The following ZNF407 variants were observed in gnomAD, a reference collection of about 807,000 sequenced individuals.
ZNF407 encodes zinc finger protein 407.
A neutral mutation model predicts 131.2 loss-of-function variants in ZNF407; 17 were observed. That is an observed-to-expected ratio of 0.13 (90% CI 0.09 to 0.19). ZNF407 has a LOEUF of 0.19. Among genes scored for constraint, ZNF407 ranks in the 10% least tolerant of loss-of-function variants. ZNF407 has a pLI of 1.00. For synonymous variants in ZNF407, 1,156 were observed against 1,062.0 expected (o/e 1.09, Z -1.72); for missense variants, 2,681 against 2,830.6 (o/e 0.95, Z 1.20).
At chr18:74,915,600 G>A (rs1248640116) in intron 7 of ZNF407, among the ~76,000 whole-genome samples, 3 of 121,908 alleles carry the variant, frequency 2.5e-5, no homozygotes, top group Admixed American at 8.3e-5. Context: ...GTGAGGTTGT[G>A]TGCAGCATTG....
At chr18:74,755,885 C>CTTCCTCTTTTCCTTCCTTT (rs1968946067) in intron 3 of ZNF407, among the ~76,000 whole-genome samples, 1 of 25,834 alleles carries the variant, frequency 3.9e-5, no homozygotes, top group African/African-American at 2.0e-4. Flanking sequence ...CTTTTCCTTC[C>CTTCCTCTTTTCCTTCCTTT]TTTTTTTTTT....
Position 74,920,703 on chromosome 18 carries a change from G to A in ZNF407, c.5428+11G>A, listed in dbSNP as rs760755296. The A allele has an allele frequency of 6.3e-7, 1 of 1,585,768 alleles. No homozygotes were observed. The highest frequency in any genetic ancestry group is 2.3e-5 in the East Asian group (1 of 44,108). ...CTTACCTGCATGCTGGTAAGGGACA[G>A]AAACTGTGAAAACTTGTTTCTAACA... On this transcript the variant is annotated intron_variant, in intron 8 of 8. Coordinates refer to ENST00000299687, the MANE Select transcript of ZNF407 (RefSeq NM_017757.3).
intron 3 of ZNF407, among the ~76,000 whole-genome samples, chr18:74,736,635 T>G (rs529485916): frequency 1.2e-4 from 19 of 152,322 alleles, no homozygotes; most frequent in African/African-American, 4.3e-4. Flanking sequence ...TGTTCTATGA[T>G]GGCTGTTTTT....
rs533820949 is a variant in ZNF407, at chr18:74,760,518, A to G, written c.4803-20910A>G. On this transcript the variant is annotated intron_variant, in intron 3 of 8. Transcript: ENST00000299687. ...CCTCTTATTCTCCCTAACTGGTTTT[A>G]TGCTCAGACAGCTATGGTGGTAAAC... 2.0e-5 allele frequency among the ~76,000 whole-genome samples: 3 copies of G among 152,174 alleles called. No individual in the cohort carries two copies. In the East Asian group the frequency reaches 5.8e-4, roughly 29 times the overall value.
intron 4 of ZNF407, among the ~76,000 whole-genome samples, chr18:74,815,337 T>C (rs186267530): frequency 3.3e-5 from 5 of 152,278 alleles, no homozygotes; most frequent in East Asian, 3.9e-4. Context: ...TTCCCAACAG[T>C]GTCTTATGAA....
At chr18:74,851,966 A>G (rs1445194820) in intron 4 of ZNF407, among the ~76,000 whole-genome samples, 1 of 152,188 alleles carries the variant, frequency 6.6e-6, no homozygotes, top group Non-Finnish European at 1.5e-5. Flanking sequence ...TCCTTAAGAG[A>G]CATCAGAGCG....
intron 3 of ZNF407, among the ~76,000 whole-genome samples, chr18:74,714,827 G>A (rs1266275579): frequency 6.6e-6 from 1 of 152,048 alleles, no homozygotes; most frequent in Non-Finnish European, 1.5e-5. Context: ...TTTCTTGGGG[G>A]GTAGAACAGT....
chr18:74,831,725 C>T (rs1468000278), intron 4 of ZNF407, among the ~76,000 whole-genome samples: 4 of 152,192 alleles, frequency 2.6e-5, no homozygotes, highest in East Asian at 1.9e-4. Context: ...CCCCATCCGT[C>T]GATGCCACGT....
intron 4 of ZNF407, among the ~76,000 whole-genome samples, chr18:74,807,866 A>G (rs1168003664): frequency 1.3e-5 from 2 of 152,166 alleles, no homozygotes; most frequent in East Asian, 3.9e-4. Flanking sequence ...ACATTGATGT[A>G]AGGTTTTTTT....
chr18:74,703,431 A>T lies in ZNF407; in HGVS notation c.4802+62309A>T, dbSNP rs1387317684. ...GCCCAGGCTGGAGTGCAATGGTGCA[A>T]TCTCGGCTCACCGCAACCTCCACCT... On this transcript the variant is annotated intron_variant, in intron 3 of 8. Coordinates refer to ENST00000299687, the MANE Select transcript of ZNF407 (RefSeq NM_017757.3). This position sits in a 1 kb window ranked among gnomAD's most constrained non-coding sequence, Gnocchi z 4.1. 6.6e-6 allele frequency among the ~76,000 whole-genome samples: 1 copy of T among 151,894 alleles called. No homozygotes were observed. The highest frequency in any genetic ancestry group is 1.5e-5 in the Non-Finnish European group (1 of 67,982).
chr18:74,930,737 C>G (rs981056829), intron 8 of ZNF407, among the ~76,000 whole-genome samples: 1 of 152,168 alleles, frequency 6.6e-6, no homozygotes, highest in Non-Finnish European at 1.5e-5. Flanking sequence ...CCCCCTCTTT[C>G]CAGTCAGCTC....
At chr18:74,670,524 A>G (rs1986100993) in intron 3 of ZNF407, among the ~76,000 whole-genome samples, 1 of 152,232 alleles carries the variant, frequency 6.6e-6, no homozygotes, top group African/African-American at 2.4e-5. Context: ...GGTTCTTCTA[A>G]GTAGATGTTT....
chr18:74,840,887 C>T (rs768629572), intron 4 of ZNF407, among the ~76,000 whole-genome samples: 12 of 152,224 alleles, frequency 7.9e-5, no homozygotes, highest in Non-Finnish European at 1.6e-4. Flanking sequence ...CAACTAACTC[C>T]GTCTTCCCTC....
At chr18:74,861,085 G>A (rs1970931442) in intron 4 of ZNF407, among the ~76,000 whole-genome samples, 1 of 152,122 alleles carries the variant, frequency 6.6e-6, no homozygotes, top group Non-Finnish European at 1.5e-5. Context: ...TAATCCTAGG[G>A]TTGGAAAACC....
At chr18:74,755,378 C>G (rs1968906281) in intron 3 of ZNF407, among the ~76,000 whole-genome samples, 1 of 151,984 alleles carries the variant, frequency 6.6e-6, no homozygotes, top group African/African-American at 2.4e-5. Flanking sequence ...TGAATTTGAT[C>G]CTGTCATTAT....
rs1266137708 is a variant in ZNF407, at chr18:74,617,248, T to C, written c.-53-13719T>C. On this transcript the variant is annotated intron_variant, in intron 1 of 8. Coordinates refer to ENST00000299687, the MANE Select transcript of ZNF407 (RefSeq NM_017757.3). ...GTCATTTAAATGCATTGTGACCCTT[T>C]ACCCATAAACACTCAGTCTGTATCA... Among the ~76,000 whole-genome samples the C allele has an allele frequency of 7.3e-5, 11 of 151,562 alleles. No individual in the cohort carries two copies. In the Middle Eastern group the frequency reaches 0.017, roughly 234 times the overall value.
chr18:74,635,537 A>G lies in ZNF407; in HGVS notation c.4518A>G (p.Lys1506=), dbSNP rs770462525. The G allele has an allele frequency of 1.9e-6, 3 of 1,613,424 alleles. No homozygotes were observed. The African/African-American group carries it at 4.0e-5, about 22-fold the overall frequency. The change falls in exon 2 of 9, where the codon AAA becomes AAG. Residue 1506 remains lysine (K), a synonymous_variant. Coordinates refer to ENST00000299687, the MANE Select transcript of ZNF407 (RefSeq NM_017757.3). This position sits in a 1 kb window ranked among gnomAD's most constrained non-coding sequence, Gnocchi z 4.7. ...AACAGAATTTATTTTTACATATTAA[A>G]GGACAGCATGAGGAATTGCTGCGGG... ...DSEQNLFLHI[K]GQHEELLREV...
chr18:74,933,358 T>C (rs886996129), intron 8 of ZNF407, among the ~76,000 whole-genome samples: 1 of 152,150 alleles, frequency 6.6e-6, no homozygotes, highest in Non-Finnish European at 1.5e-5. Flanking sequence ...CCTAGAGTAG[T>C]CGAAGTCAAA....
At chr18:74,658,128 T>A (rs867247075) in intron 3 of ZNF407, among the ~76,000 whole-genome samples, 1 of 133,582 alleles carries the variant, frequency 7.5e-6, no homozygotes. Flanking sequence ...TTATTTATTT[T>A]TTGAGACGGA....
Sources: allele counts gnomAD v4.1 joint callset (sites outside exome capture counted in the v4.1 genomes callset), GRCh38; gene constraint gnomAD v4.1.1; non-coding constraint Gnocchi (gnomAD v3.1); transcripts MANE v1.5; gene names NCBI Gene and HGNC (gene_info 2026-07-23, HGNC 2026-07-21).